Variants in PAPPA2 observed in about 807,000 individuals in gnomAD.
PAPPA2 encodes the protein pappalysin 2, also known as pappalysin-2.
Under a neutral mutation model 176.4 loss-of-function variants are expected in PAPPA2, and 86 were observed. The ratio of observed to expected loss-of-function variants is 0.49; its 90% CI spans 0.41 to 0.58. The LOEUF (loss-of-function observed/expected upper bound fraction) is 0.58, where lower values mean the gene tolerates loss of function less well. PAPPA2 is among the 20% of genes least tolerant of loss of function. PAPPA2 has a pLI of 0.00. For missense variants in PAPPA2, 2,073 were observed against 2,256.9 expected (o/e 0.92, Z 1.65); for synonymous variants, 809 against 852.2 (o/e 0.95, Z 0.88).
intron 17 of PAPPA2, among the ~76,000 whole-genome samples, chr1:176,785,691 C>T (rs2102931240): frequency 6.6e-6 from 1 of 152,224 alleles, no homozygotes; most frequent in East Asian, 1.9e-4. Context: ...GTTTGTAGCG[C>T]AGGGCCTGTC....
intron 12 of PAPPA2, among the ~76,000 whole-genome samples, chr1:176,729,149 A>G (rs1662015092): frequency 6.6e-6 from 1 of 151,968 alleles, no homozygotes; most frequent in South Asian, 2.1e-4. Context: ...CCTTTAATAT[A>G]TTCAACATTT....
intron 12 of PAPPA2, among the ~76,000 whole-genome samples, chr1:176,722,970 T>G (rs916119857): frequency 2.0e-5 from 3 of 152,198 alleles, no homozygotes; most frequent in African/African-American, 7.2e-5. Flanking sequence ...ACTGGTTAGT[T>G]TATAAAGAAA....
intron 4 of PAPPA2, among the ~76,000 whole-genome samples, chr1:176,688,347 A>G (rs1009539220): frequency 1.3e-5 from 2 of 152,226 alleles, no homozygotes; most frequent in Admixed American, 1.3e-4. Context: ...GCATAATTGT[A>G]CATGAATGTT....
At chr1:176,592,191 A>T (rs573077439) in intron 2 of PAPPA2, among the ~76,000 whole-genome samples, 2 of 152,332 alleles carry the variant, frequency 1.3e-5, no homozygotes, top group South Asian at 4.1e-4. Context: ...CCTACAGATG[A>T]AGTATGAACA....
chr1:176,554,854 T>C (rs1363393220), intron 1 of PAPPA2, among the ~76,000 whole-genome samples: 1 of 152,124 alleles, frequency 6.6e-6, no homozygotes, highest in Non-Finnish European at 1.5e-5. Context: ...TCCCCAATGA[T>C]TGAACAAAGT....
At chr1:176,691,973 A>G (rs187618979) in intron 5 of PAPPA2, among the ~76,000 whole-genome samples, 153 bp from the exon 6 acceptor site, 2 of 152,322 alleles carry the variant, frequency 1.3e-5, no homozygotes. Flanking sequence ...CCTTTCTGGA[A>G]CAGATTGCAT....
chr1:176,639,327 C>A (rs2102723597), intron 3 of PAPPA2, among the ~76,000 whole-genome samples: 1 of 152,222 alleles, frequency 6.6e-6, no homozygotes, highest in South Asian at 2.1e-4. Context: ...CACCTAGTTG[C>A]ATTTGAAAGG....
intron 1 of PAPPA2, among the ~76,000 whole-genome samples, chr1:176,485,154 C>A (rs896832240): frequency 1.3e-5 from 2 of 152,200 alleles, no homozygotes; most frequent in Non-Finnish European, 2.9e-5. Context: ...TTACCACAAT[C>A]TCAGCATCAG....
intron 3 of PAPPA2, among the ~76,000 whole-genome samples, chr1:176,627,898 G>A (rs1296430829): frequency 1.3e-5 from 2 of 152,132 alleles, no homozygotes; most frequent in South Asian, 2.1e-4. Flanking sequence ...TTTGAAATAC[G>A]CATTAAGGTA....
Position 176,816,601 on chromosome 1 carries a change from C to CT in PAPPA2, c.5202+16479dup, listed in dbSNP as rs764753845. ...CAGCTGCCATCATCTCTCCTGTTGT[C>CT]TTTTTTTTTTATGAGTTCATGCCTT... On this transcript the variant is annotated intron_variant, in intron 21 of 22. Transcript: ENST00000367662. Among the ~76,000 whole-genome samples, 243 of 147,486 alleles carry CT rather than the reference C, an allele frequency of 1.6e-3. 2 individuals are homozygous for CT. Among genetic ancestry groups the CT allele is most frequent in the Middle Eastern group, 6.9e-3 (2 of 288 alleles).
chr1:176,480,231 G>A (rs926114885), intron 1 of PAPPA2, among the ~76,000 whole-genome samples: 1 of 152,208 alleles, frequency 6.6e-6, no homozygotes, highest in Non-Finnish European at 1.5e-5. Flanking sequence ...ATTGCTCTGT[G>A]CAACAGTCTC....
intron 10 of PAPPA2, 136 bp from the exon 11 acceptor site, chr1:176,709,847 A>T: frequency 1.0e-5 from 7 of 670,988 alleles, no homozygotes; most frequent in Non-Finnish European, 1.3e-5. Flanking sequence ...TGTTTGAGGT[A>T]GGCATTAGAC....
At chr1:176,513,158 TATC>T (rs66771117) in intron 1 of PAPPA2, among the ~76,000 whole-genome samples, 53,435 of 149,508 alleles carry the variant, frequency 0.36, 10,944 homozygotes, top group African/African-American at 0.56. Flanking sequence ...CATTTCTGTC[TATC>T]ATCATCATCA....
At chr1:176,658,505 A>G (rs929731038) in intron 3 of PAPPA2, among the ~76,000 whole-genome samples, 5 of 152,054 alleles carry the variant, frequency 3.3e-5, no homozygotes, top group African/African-American at 1.2e-4. Context: ...GTGTATTTAG[A>G]TTAGACTTAA....
In PAPPA2 at chr1:176,565,083, T is replaced by C. The variant is rs1651887016; in HGVS notation, c.919+7842T>C. 1.3e-5 allele frequency among the ~76,000 whole-genome samples: 2 copies of C among 152,220 alleles called. 1 individual carries two copies. The highest frequency in any genetic ancestry group is 4.1e-4 in the South Asian group (2 of 4,828). The stretch of plus-strand genomic sequence containing the variant: ...TGGCTGGCTTCTTTCACTTGAGGCT[T>C]ATCCATGTTGCAACATGTATTGGCA... On this transcript the variant is annotated intron_variant, in intron 2 of 22. Coordinates refer to ENST00000367662, the MANE Select transcript of PAPPA2 (RefSeq NM_020318.3).
intron 21 of PAPPA2, among the ~76,000 whole-genome samples, chr1:176,832,878 G>T (rs1667130193): frequency 6.6e-6 from 1 of 152,002 alleles, no homozygotes; most frequent in Non-Finnish European, 1.5e-5. Flanking sequence ...CTTTGCTTTG[G>T]TCTTGGTGTC....
intron 21 of PAPPA2, among the ~76,000 whole-genome samples, chr1:176,827,370 T>G (rs1666898986): frequency 6.6e-6 from 1 of 152,216 alleles, no homozygotes; most frequent in South Asian, 2.1e-4. Flanking sequence ...CTTGCATCAT[T>G]AATATTTGAA....
intron 3 of PAPPA2, among the ~76,000 whole-genome samples, chr1:176,618,122 A>T (rs1655373972): frequency 6.6e-6 from 1 of 152,188 alleles, no homozygotes; most frequent in African/African-American, 2.4e-5. Flanking sequence ...AATTCCCAGG[A>T]TGTTTCTGAC....
intron 21 of PAPPA2, among the ~76,000 whole-genome samples, chr1:176,820,913 C>T (rs150804783): frequency 1.1e-4 from 16 of 152,254 alleles, no homozygotes; most frequent in African/African-American, 3.1e-4. Context: ...AGCATCTTCC[C>T]ACCTCTCCAA....
Sources: gnomAD v4.1 joint callset for allele counts (sites outside exome capture counted in the v4.1 genomes callset) on GRCh38, gnomAD v4.1.1 for gene constraint, MANE v1.5 for transcripts, NCBI Gene and HGNC (gene_info 2026-07-23, HGNC 2026-07-21) for gene names.